The following NTN1 variants were observed in gnomAD, a reference collection of about 807,000 sequenced individuals.
The protein encoded by NTN1 is netrin 1.
NTN1 carries 11 observed loss-of-function variants against 54.2 expected under a neutral mutation model. The ratio of observed to expected loss-of-function variants is 0.20; its 90% CI spans 0.13 to 0.34. The LOEUF is 0.34. Among genes scored for constraint, NTN1 ranks in the 10% least tolerant of loss-of-function variants. The pLI is 1.00. For synonymous variants in NTN1, 371 were observed against 382.0 expected, an observed-to-expected ratio of 0.97 and a Z score of 0.33; for missense variants, 740 against 893.1, an observed-to-expected ratio of 0.83 and a Z score of 2.18.
At chr17:9,130,839 G>A (rs1303568021) in intron 2 of NTN1, among the ~76,000 whole-genome samples, 1 of 152,168 alleles carries the variant, frequency 6.6e-6, no homozygotes, top group African/African-American at 2.4e-5. Flanking sequence ...AACGCCTGGT[G>A]GCGTGATGGT....
intron 6 of NTN1, among the ~76,000 whole-genome samples, chr17:9,227,425 TACACCATC>T (rs1905615332): frequency 7.3e-6 from 1 of 137,748 alleles, no homozygotes; most frequent in Non-Finnish European, 1.5e-5. Context: ...CACACATACA[TACACCATC>T]ACACCACACA....
intron 2 of NTN1, among the ~76,000 whole-genome samples, chr17:9,117,189 A>G (rs1189574122): frequency 6.6e-6 from 1 of 152,232 alleles, no homozygotes; most frequent in Non-Finnish European, 1.5e-5. Flanking sequence ...GAGAAAGCCG[A>G]GAGACAGGGC....
chr17:9,118,224 A>G (rs1210212652), intron 2 of NTN1, among the ~76,000 whole-genome samples: 5 of 152,174 alleles, frequency 3.3e-5, no homozygotes, highest in African/African-American at 1.2e-4. Context: ...CCCCCATTTA[A>G]AATATACAGT....
intron 2 of NTN1, among the ~76,000 whole-genome samples, chr17:9,145,160 T>G (rs906058540): frequency 6.6e-6 from 1 of 152,206 alleles, no homozygotes; most frequent in African/African-American, 2.4e-5. Flanking sequence ...TAAATCCACA[T>G]TACTGTGGAA....
At position 9,202,006 on chromosome 17, in the gene NTN1, T is replaced by C. The variant is rs1384800668; in HGVS notation, c.1411+19037T>C. On this transcript the variant is annotated intron_variant, in intron 5 of 6. Coordinates refer to ENST00000173229, the MANE Select transcript of NTN1 (RefSeq NM_004822.3). ...TTCAAGAGCAGCCTGGTCAATATGG[T>C]GAAACCCCGTCTCTACTAAAAATAC... 4.3e-5 allele frequency among the ~76,000 whole-genome samples: 5 copies of C among 117,018 alleles called. No homozygotes were observed. In the South Asian group the frequency reaches 8.9e-4, roughly 21 times the overall value. 76.8% of individuals were successfully genotyped at this position (117,018 alleles called of 152,430 possible).
intron 3 of NTN1, among the ~76,000 whole-genome samples, chr17:9,178,535 C>T (rs1306324398): frequency 1.3e-5 from 2 of 152,256 alleles, no homozygotes; most frequent in Non-Finnish European, 2.9e-5. Context: ...TGTTTTGAGC[C>T]ACAGACTCCC....
chr17:9,003,382 C>CG, the NTN1 span, among the ~76,000 whole-genome samples: 1 of 151,746 alleles, frequency 6.6e-6, no homozygotes, highest in East Asian at 1.9e-4. The surrounding 1 kb of genome is among the most constrained non-coding windows in gnomAD (Gnocchi z 7.4). Context: ...GGCACTGGTG[C>CG]GCGGCGAGGG....
intron 2 of NTN1, among the ~76,000 whole-genome samples, chr17:9,097,407 G>A (rs894053794): frequency 6.6e-6 from 1 of 152,100 alleles, no homozygotes; most frequent in African/African-American, 2.4e-5. Flanking sequence ...GGCAAATCAC[G>A]AGGTCGGGAG....
chr17:9,018,169 A>C (rs544698091), upstream of NTN1, among the ~76,000 whole-genome samples: 2 of 152,258 alleles, frequency 1.3e-5, no homozygotes, highest in Admixed American at 1.3e-4. Flanking sequence ...CTCACCAGGA[A>C]CTACTAAAGA....
In NTN1 at chr17:9,179,661, C is replaced by T. The variant is rs978734719; in HGVS notation, c.1208-146C>T. ...GGCCAGTGTCAGAGCTTCCGGAGTG[C>T]GTTTGGGCTTGGCTGGGCCTGCTCC... On this transcript the variant is annotated intron_variant, in intron 3 of 6. Coordinates refer to ENST00000173229, the MANE Select transcript of NTN1 (RefSeq NM_004822.3). 13 of 987,776 alleles carry T rather than the reference C, an allele frequency of 1.3e-5. No homozygotes were observed. The Middle Eastern group carries it at 9.4e-4, about 71-fold the overall frequency. 61.2% of individuals were successfully genotyped at this position (987,776 alleles called of 1,614,324 possible).
At chr17:9,228,820 CTGTG>C (rs10641432) in intron 6 of NTN1, among the ~76,000 whole-genome samples, 122 of 141,400 alleles carry the variant, frequency 8.6e-4, no homozygotes, top group Middle Eastern at 3.4e-3. Flanking sequence ...ATCTGTTCAG[CTGTG>C]TGTGTGTGTG....
chr17:9,079,029 T>G (rs947317830), intron 2 of NTN1, among the ~76,000 whole-genome samples: 2 of 152,172 alleles, frequency 1.3e-5, no homozygotes, highest in Non-Finnish European at 2.9e-5. Context: ...CTCCTCAGCC[T>G]CTCCCTCTAC....
chr17:9,043,378 G>A (rs2091929193), intron 2 of NTN1, among the ~76,000 whole-genome samples: 1 of 152,066 alleles, frequency 6.6e-6, no homozygotes, highest in Non-Finnish European at 1.5e-5. Flanking sequence ...TGTGAATTGA[G>A]CAAAATTATT....
chr17:9,073,089 C>G (rs1002787493), intron 2 of NTN1, among the ~76,000 whole-genome samples: 2 of 152,302 alleles, frequency 1.3e-5, no homozygotes, highest in East Asian at 3.9e-4. Flanking sequence ...CGAGGACGAG[C>G]GGATATTGAA....
At chr17:9,021,172 G>A (rs1038075797), upstream of NTN1, among the ~76,000 whole-genome samples, 5 of 149,484 alleles carry the variant, frequency 3.3e-5, no homozygotes, top group African/African-American at 9.9e-5. Flanking sequence ...TCCCCCGGGC[G>A]TGAGGCTCTC....
At chr17:9,075,840 G>T (rs538456833) in intron 2 of NTN1, among the ~76,000 whole-genome samples, 1 of 152,124 alleles carries the variant, frequency 6.6e-6, no homozygotes, top group African/African-American at 2.4e-5. Flanking sequence ...AAAATACCCC[G>T]CCTGGAATGG....
chr17:9,082,670 T>C (rs2092075604), intron 2 of NTN1, among the ~76,000 whole-genome samples: 1 of 150,000 alleles, frequency 6.7e-6, no homozygotes, highest in Non-Finnish European at 1.5e-5. Flanking sequence ...TGCGTTACTC[T>C]ACGAGTGCAT....
Position 9,212,859 on chromosome 17 carries a change from G to A in NTN1, c.1412-8309G>A, listed in dbSNP as rs1038274185. Among the ~76,000 whole-genome samples, 3 of 152,356 alleles carry A rather than the reference G, an allele frequency of 2.0e-5. No individual in the cohort carries two copies. Among genetic ancestry groups the A allele is most frequent in the Non-Finnish European group, 2.9e-5 (2 of 68,024 alleles). The stretch of plus-strand genomic sequence containing the variant: ...TTGCCAGCTCCCCGCCCTGCTCCAA[G>A]GGGAGGTGCCAGATGCGGTGCCCCT... On this transcript the variant is annotated intron_variant, in intron 5 of 6. Coordinates refer to ENST00000173229, the MANE Select transcript of NTN1 (RefSeq NM_004822.3). The surrounding 1 kb of genome is among the most constrained non-coding windows in gnomAD (Gnocchi z 5.5).
intron 3 of NTN1, among the ~76,000 whole-genome samples, chr17:9,166,180 CCACCACCACCACCACCA>C (rs2092372704): frequency 1.0e-5 from 1 of 100,328 alleles, no homozygotes; most frequent in African/African-American, 3.0e-5. Flanking sequence ...ACCACCACCA[CCACCACCACCACCACCA>C]CCACCACCAC....
Sources: gnomAD v4.1 joint callset for allele counts (sites outside exome capture counted in the v4.1 genomes callset) on GRCh38, gnomAD v4.1.1 for gene constraint, Gnocchi (gnomAD v3.1) non-coding constraint, MANE v1.5 for transcripts, NCBI Gene and HGNC (gene_info 2026-07-23, HGNC 2026-07-21) for gene names.